Variants in FANCD2OS observed in about 807,000 individuals in gnomAD.
FANCD2OS encodes the protein FANCD2 opposite strand.
In FANCD2OS, 11 loss-of-function variants were observed where a neutral mutation model predicts 13.2. That is an observed-to-expected ratio of 0.83 (90% confidence interval 0.52 to 1.38). The LOEUF is 1.38. Ranked by LOEUF, FANCD2OS falls within the 40% of genes most tolerant of loss-of-function variation. FANCD2OS has a pLI of 0.00. For synonymous variants in FANCD2OS, 69 were observed against 84.5 expected (o/e 0.82, Z 1.01); for missense variants, 217 against 213.9 (o/e 1.01, Z -0.09).
chr3:10,081,368 G>A (rs750030381), exon 3 of FANCD2OS: 1 of 1,613,974 alleles, frequency 6.2e-7, no homozygotes, highest in South Asian at 1.1e-5. Context: ...GAGAATCACG[G>A]TGTAGTTGAT....
In FANCD2OS at chr3:10,090,443, A is replaced by AT. The variant is rs773716319; in HGVS notation, c.*44-8913dup. 28,950 of 326,272 alleles carry AT rather than the reference A, an allele frequency of 0.089. 253 individuals are homozygous for AT. The highest frequency in any genetic ancestry group is 0.11 in the South Asian group (4,715 of 42,568). The allele number at this position is 326,272 out of a possible 1,614,324, so 20.2% of individuals were successfully genotyped here. ...ACTTTGGATTACTTGGAAGTTGCTG[A>AT]TTTTTTTTTTTTTTTTTTTTTTTTT... On this transcript the variant is annotated intron_variant, in intron 2 of 2. Coordinates refer to the FANCD2OS transcript ENST00000524279.
intron 2 of FANCD2OS, chr3:10,085,818 A>AT: frequency 6.2e-7 from 1 of 1,611,448 alleles, no homozygotes; most frequent in Non-Finnish European, 8.5e-7. Flanking sequence ...TTAGGAGTGG[A>AT]TTTTCTCAAC....
chr3:10,097,758 G>T (rs1695059659), intron 2 of FANCD2OS, among the ~76,000 whole-genome samples: 2 of 152,192 alleles, frequency 1.3e-5, no homozygotes, highest in Admixed American at 1.3e-4. Flanking sequence ...AATCACAAGG[G>T]TATTGACTGG....
intron 2 of FANCD2OS, among the ~76,000 whole-genome samples, chr3:10,097,304 C>T (rs1418542278): frequency 3.3e-5 from 5 of 152,024 alleles, no homozygotes; most frequent in Admixed American, 1.3e-4. Flanking sequence ...ATTTATTAGG[C>T]GGGAATTTCC....
chr3:10,104,840 G>A (rs1575892116), intron 1 of FANCD2OS, 58 bp from the exon 2 acceptor site: 1 of 1,450,772 alleles, frequency 6.9e-7, no homozygotes, highest in Admixed American at 2.3e-5. Context: ...TGAGAGCATG[G>A]CCTTTCAAAT....
chr3:10,099,724 C>A, downstream of FANCD2OS: 1 of 152,582 alleles, frequency 6.6e-6, no homozygotes, highest in Non-Finnish European at 1.5e-5. Context: ...TGCTACTGCA[C>A]TCCAGCCTGG....
At position 10,105,772 on chromosome 3, in the gene FANCD2OS, T is replaced by TATATATA. The variant is rs869146028; in HGVS notation, c.-8-991_-8-990insTATATAT. 5.7e-4 allele frequency among the ~76,000 whole-genome samples: 13 copies of TATATATA among 22,628 alleles called. 2 individuals carry two copies. The highest frequency in any genetic ancestry group is 2.2e-3 in the African/African-American group (12 of 5,474). 14.8% of individuals were successfully genotyped at this position (22,628 alleles called of 152,430 possible). A position where few individuals can be genotyped will look rare whatever the true frequency, so the allele number is the denominator to read the frequency against. On this transcript the variant is annotated intron_variant, in intron 1 of 1. Transcript: ENST00000450660. ...TCTAAAAAAAAAAAAAAAAAAAAAA[T>TATATATA]TATATATATATATATATATATATAT...
chr3:10,102,855 A>C, downstream of FANCD2OS: 1 of 186,048 alleles, frequency 5.4e-6, no homozygotes, highest in Non-Finnish European at 1.1e-5. Context: ...AAAAAAAAAA[A>C]AAAAAGACCA....
chr3:10,087,262 T>A (rs537921299), intron 2 of FANCD2OS: 3 of 1,604,756 alleles, frequency 1.9e-6, no homozygotes, highest in East Asian at 2.2e-5. Context: ...AAAGAAAAAA[T>A]TGGTGATGGG....
downstream of FANCD2OS, chr3:10,101,091 G>T: frequency 4.3e-6 from 4 of 921,012 alleles, no homozygotes; most frequent in East Asian, 2.5e-5. Flanking sequence ...TTTTAACAGT[G>T]ATAATAGTAC....
intron 2 of FANCD2OS, among the ~76,000 whole-genome samples, chr3:10,094,690 C>T (rs1053134883): frequency 5.3e-5 from 8 of 151,676 alleles, no homozygotes; most frequent in African/African-American, 1.9e-4. Context: ...TGTAGGTATA[C>T]TCTCAGAAAT....
rs373006120 is a variant in FANCD2OS at position 10,091,701 on chromosome 3, C to T, written c.*44-10170G>A. On this transcript the variant is annotated intron_variant, in intron 2 of 2. Coordinates refer to the FANCD2OS transcript ENST00000524279. Reference sequence around the variant, plus strand: ...CTAACTAGAGGGAAAGGAAATTAAACTAGGAACTCTTTGAAAAAAAATCCT... The same window carrying T: ...CTAACTAGAGGGAAAGGAAATTAAATTAGGAACTCTTTGAAAAAAAATCCT... Among the ~76,000 whole-genome samples, 6 of 152,020 alleles carry T rather than the reference C, an allele frequency of 3.9e-5. No homozygotes were observed. The East Asian group carries it at 5.8e-4, about 15-fold the overall frequency.
chr3:10,106,459 T>C (rs1695497204), intron 1 of FANCD2OS, among the ~76,000 whole-genome samples: 1 of 152,224 alleles, frequency 6.6e-6, no homozygotes, highest in Non-Finnish European at 1.5e-5. Context: ...TTAGTGGGCA[T>C]AGCAGGTCCC....
chr3:10,104,079 G>A lies in FANCD2OS; in HGVS notation c.*162C>T, dbSNP rs1233610622. On this transcript the variant is annotated 3_prime_UTR_variant, in exon 2 of 2. Transcript: ENST00000450660. Reference sequence around the variant, plus strand: ...GTTCTCTATCATTGGTCCTTTTTTGGAGGGGAAGGGATGAAAGGGGCTCCT... The same window carrying A: ...GTTCTCTATCATTGGTCCTTTTTTGAAGGGGAAGGGATGAAAGGGGCTCCT... 4.3e-5 allele frequency: 27 copies of A among 630,998 alleles called. No homozygotes were observed. The South Asian group carries it at 4.4e-4, about 10-fold the overall frequency. The allele number at this position is 630,998 out of a possible 1,614,324, so 39.1% of individuals were successfully genotyped here.
chr3:10,097,380 A>AT (rs1357136978), intron 2 of FANCD2OS, among the ~76,000 whole-genome samples: 3 of 152,198 alleles, frequency 2.0e-5, no homozygotes, highest in Non-Finnish European at 4.4e-5. Flanking sequence ...AGTCTCGACC[A>AT]TAAGAGACAG....
chr3:10,094,176 T>G (rs565387152), intron 2 of FANCD2OS: 2 of 786,938 alleles, frequency 2.5e-6, no homozygotes, highest in East Asian at 5.1e-5. Context: ...AATTTGTTTT[T>G]TATATATATA....
chr3:10,084,243 C>T (rs1694036135), intron 2 of FANCD2OS, among the ~76,000 whole-genome samples: 1 of 151,542 alleles, frequency 6.6e-6, no homozygotes, highest in Admixed American at 6.6e-5. Context: ...CTACCCACCT[C>T]AGCCTCCCAA....
intron 2 of FANCD2OS, chr3:10,085,974 C>T: frequency 3.2e-6 from 4 of 1,239,098 alleles, no homozygotes; most frequent in Non-Finnish European, 4.8e-6. Context: ...CTCCTAGGAA[C>T]AGGATTGGCA....
Position 10,090,342 on chromosome 3 carries a change from C to T in FANCD2OS, c.*44-8811G>A, listed in dbSNP as rs764775864. 2.4e-5 allele frequency: 38 copies of T among 1,609,702 alleles called. No individual in the cohort carries two copies. Among genetic ancestry groups the T allele is most frequent in the East Asian group, 4.5e-5 (2 of 44,738 alleles). On this transcript the variant is annotated intron_variant, in intron 2 of 2. Transcript: ENST00000524279. ...GTGATGATGGCTGAACTAGAGAAGA[C>T]GGTGAAAAAAATTGAGCCTGGCACA... is the stretch of plus-strand genomic sequence containing the variant.
Sources: gnomAD v4.1 joint callset for allele counts (sites outside exome capture counted in the v4.1 genomes callset) on GRCh38, gnomAD v4.1.1 for gene constraint, MANE v1.5 for transcripts, NCBI Gene and HGNC (gene_info 2026-07-23, HGNC 2026-07-21) for gene names.